The following SLC2A9 variants were observed in gnomAD, a reference collection of about 807,000 sequenced individuals.
SLC2A9 encodes solute carrier family 2, facilitated glucose transporter member 9.
SLC2A9 carries 39 observed loss-of-function variants against 50.6 expected under a neutral mutation model. The observed-to-expected ratio is 0.77, with a 90% CI of 0.60 to 1.01. The LOEUF is 1.01. Among genes scored for constraint, SLC2A9 ranks in the 50% least tolerant of loss-of-function variants. The pLI is 0.00. For synonymous variants in SLC2A9, 324 were observed against 276.9 expected (o/e 1.17, Z -1.69); for missense variants, 686 against 677.6 (o/e 1.01, Z -0.14).
intron 6 of SLC2A9, among the ~76,000 whole-genome samples, chr4:9,926,065 C>T (rs182467311): frequency 6.6e-6 from 1 of 152,050 alleles, no homozygotes; most frequent in South Asian, 2.1e-4. Flanking sequence ...ACGCTGTTAG[C>T]ACAGGTGCCA....
At chr4:9,949,360 A>G (rs1296263655) in intron 5 of SLC2A9, among the ~76,000 whole-genome samples, 1 of 152,220 alleles carries the variant, frequency 6.6e-6, no homozygotes, top group Non-Finnish European at 1.5e-5. Flanking sequence ...CTGAAACGAC[A>G]GACACTCCTG....
At chr4:9,988,797 T>G (rs1757178702) in intron 3 of SLC2A9, among the ~76,000 whole-genome samples, 1 of 152,126 alleles carries the variant, frequency 6.6e-6, no homozygotes, top group African/African-American at 2.4e-5. Context: ...ATGAGGAGAT[T>G]GGAGGGCATG....
At chr4:9,848,774 G>T (rs1254465815) in intron 10 of SLC2A9, among the ~76,000 whole-genome samples, 2 of 148,582 alleles carry the variant, frequency 1.3e-5, no homozygotes, top group Non-Finnish European at 3.0e-5. Context: ...GCACGATCTC[G>T]GCTCACTGCA....
chr4:9,784,478 A>G (rs1160672079), intron 3 of SLC2A9, among the ~76,000 whole-genome samples: 1 of 152,258 alleles, frequency 6.6e-6, no homozygotes, highest in Non-Finnish European at 1.5e-5. Flanking sequence ...GAAATGTGTG[A>G]ATCAAGATGC....
intron 5 of SLC2A9, 103 bp downstream of exon 5, chr4:9,980,489 A>G (rs1184393953): frequency 1.1e-5 from 17 of 1,531,752 alleles, no homozygotes; most frequent in Non-Finnish European, 1.4e-5. Context: ...CTTGAATACC[A>G]GAAATTGCAA....
chr4:9,798,694 T>C (rs1484050709), downstream of SLC2A9: 2 of 152,114 alleles, frequency 1.3e-5, no homozygotes, highest in East Asian at 3.9e-4. Flanking sequence ...AGTCCAGCAG[T>C]CCCGTGTTGT....
chr4:9,985,691 G>A lies in SLC2A9; in HGVS notation c.513C>T (p.Arg171=), dbSNP rs745908796. 6.8e-6 allele frequency: 11 copies of A among 1,613,888 alleles called. No homozygotes were observed. The South Asian group carries it at 1.1e-4, about 16-fold the overall frequency. The change falls in exon 4 of 12, where the codon CGC becomes CGT. Residue 171 remains arginine (R), a synonymous_variant. Coordinates refer to ENST00000264784, the MANE Select transcript of SLC2A9 (RefSeq NM_020041.3). ...CACCTCCATCTATGCCCATGATGAA[G>A]CGTCCCACGATGAGCATTTCAAAGG... The part of the protein sequence containing the change: ...AGAFEMLIVG[R]FIMGIDGGVA...
At chr4:9,792,735 CAT>C (rs985655111) in intron 3 of SLC2A9, 10 of 152,400 alleles carry the variant, frequency 6.6e-5, no homozygotes, top group African/African-American at 1.2e-4. Flanking sequence ...TAAGCACACA[CAT>C]GTGTCTTCAC....
intron 7 of SLC2A9, among the ~76,000 whole-genome samples, chr4:9,912,901 G>T (rs919066792): frequency 6.6e-6 from 1 of 152,198 alleles, no homozygotes; most frequent in Non-Finnish European, 1.5e-5. Context: ...CCTTAAAGAG[G>T]GAGTCAGGAG....
intron 2 of SLC2A9, among the ~76,000 whole-genome samples, chr4:10,017,702 C>T (rs933512174): frequency 1.3e-5 from 2 of 152,160 alleles, no homozygotes; most frequent in Non-Finnish European, 2.9e-5. Context: ...TGGAAGGCAC[C>T]CAGGGCTGTC....
At chr4:9,970,577 C>A (rs1035142617) in intron 5 of SLC2A9, among the ~76,000 whole-genome samples, 1 of 152,016 alleles carries the variant, frequency 6.6e-6, no homozygotes, top group African/African-American at 2.4e-5. Flanking sequence ...TGGAACCCAG[C>A]TAGCTGGGTT....
At chr4:10,012,981 G>C (rs866123130) in intron 2 of SLC2A9, among the ~76,000 whole-genome samples, 1 of 152,106 alleles carries the variant, frequency 6.6e-6, no homozygotes, top group East Asian at 1.9e-4. Context: ...TTGGCCTTTG[G>C]GTGGAGACTA....
At chr4:9,912,143 G>A (rs1274601158) in intron 7 of SLC2A9, among the ~76,000 whole-genome samples, 1 of 152,208 alleles carries the variant, frequency 6.6e-6, no homozygotes, top group Non-Finnish European at 1.5e-5. Context: ...ACTGTTCTGG[G>A]GTGGGGGGAG....
intron 2 of SLC2A9, among the ~76,000 whole-genome samples, chr4:10,012,033 C>A (rs1250619806): frequency 1.3e-5 from 2 of 152,214 alleles, no homozygotes; most frequent in Non-Finnish European, 2.9e-5. Flanking sequence ...TTGGCACATA[C>A]CCTCACCCAT....
At chr4:9,974,431 A>G (rs1754431855) in intron 5 of SLC2A9, among the ~76,000 whole-genome samples, 1 of 152,166 alleles carries the variant, frequency 6.6e-6, no homozygotes, top group South Asian at 2.1e-4. Flanking sequence ...ATACAAAATC[A>G]GTGTACAAAA....
At chr4:9,789,748 C>T (rs989080924) in intron 3 of SLC2A9, among the ~76,000 whole-genome samples, 2 of 152,192 alleles carry the variant, frequency 1.3e-5, no homozygotes, top group African/African-American at 4.8e-5. Flanking sequence ...AATGAAGTAC[C>T]ATTTTGATAT....
chr4:9,911,891 A>G (rs977664111), intron 7 of SLC2A9, among the ~76,000 whole-genome samples: 1 of 152,194 alleles, frequency 6.6e-6, no homozygotes, highest in African/African-American at 2.4e-5. Flanking sequence ...GAACCAACCC[A>G]AATGTCCAAC....
At chr4:9,886,192 C>G (rs543642152) in intron 10 of SLC2A9, among the ~76,000 whole-genome samples, 2 of 152,362 alleles carry the variant, frequency 1.3e-5, no homozygotes, top group South Asian at 4.1e-4. Context: ...CTGGTTTGCT[C>G]ACGCATGTCC....
intron 6 of SLC2A9, among the ~76,000 whole-genome samples, chr4:9,938,656 C>T (rs1430763271): frequency 6.6e-6 from 1 of 152,308 alleles, no homozygotes; most frequent in East Asian, 1.9e-4. Flanking sequence ...GCACCCTGCA[C>T]TTCAGTGAAT....
Sources: gnomAD v4.1 joint callset for allele counts (sites outside exome capture counted in the v4.1 genomes callset) on GRCh38, gnomAD v4.1.1 for gene constraint, MANE v1.5 for transcripts, NCBI Gene and HGNC (gene_info 2026-07-23, HGNC 2026-07-21) for gene names.